Variants in PDXDC1 observed in about 807,000 individuals in gnomAD.
The protein encoded by PDXDC1 is pyridoxal-dependent decarboxylase domain-containing protein 1.
Under a neutral mutation model 100.1 loss-of-function variants are expected in PDXDC1, and 42 were observed. That is an observed-to-expected ratio of 0.42 (90% CI 0.33 to 0.54). The LOEUF is 0.54. Among genes scored for constraint, PDXDC1 ranks in the 20% least tolerant of loss-of-function variants. The pLI, the probability that PDXDC1 is intolerant of heterozygous loss-of-function variation, is 0.10. For missense variants in PDXDC1, 636 were observed against 979.2 expected (o/e 0.65, Z 4.68); for synonymous variants, 260 against 371.7 (o/e 0.70, Z 3.46).
At chr16:15,047,615 C>G (rs1207642547) in intron 16 of PDXDC1, 2 of 1,192,148 alleles carry the variant, frequency 1.7e-6, no homozygotes, top group African/African-American at 3.0e-5. Context: ...CAGGCCGAGA[C>G]TCCGCCTGTC....
At chr16:15,031,515 G>A (rs937493788) in intron 16 of PDXDC1, among the ~76,000 whole-genome samples, 5 of 152,200 alleles carry the variant, frequency 3.3e-5, no homozygotes, top group African/African-American at 1.2e-4. Flanking sequence ...GGCCACATCT[G>A]TGAGAGAAAC....
chr16:15,128,651 ACAC>A lies in PDXDC1; in HGVS notation c.1400-10224_1400-10222del, dbSNP rs555474141. Among the ~76,000 whole-genome samples, 1,256 of 152,068 alleles carry A rather than the reference ACAC, an allele frequency of 8.3e-3. 7 individuals are homozygous for A. Among genetic ancestry groups the A allele is most frequent in the South Asian group, 0.019 (93 of 4,814 alleles). ...AACATGGCTGCACACGCCTCAGTCC[ACAC>A]CACAACCAGTGACCCGCACTGCACA... is the stretch of plus-strand genomic sequence containing the variant. On this transcript the variant is annotated intron_variant, in intron 16 of 16. Transcript: ENST00000535621.
At chr16:15,149,990 G>A in the PDXDC1 span, among the ~76,000 whole-genome samples, 2 of 152,146 alleles carry the variant, frequency 1.3e-5, no homozygotes, top group African/African-American at 2.4e-5. Context: ...CAGGCTGCAG[G>A]AGCCAGTTTC....
chr16:15,060,972 CG>C (rs1451335941), intron 16 of PDXDC1: 2 of 152,232 alleles, frequency 1.3e-5, no homozygotes, highest in Non-Finnish European at 2.9e-5. Context: ...TACACAAGCC[CG>C]AACTCACTTT....
At chr16:15,001,260 G>C (rs1406379941) in intron 3 of PDXDC1, among the ~76,000 whole-genome samples, 8 of 152,258 alleles carry the variant, frequency 5.3e-5, no homozygotes, top group Non-Finnish European at 1.5e-5. Flanking sequence ...AGGCCGAGGA[G>C]GGTGGATCAC....
chr16:14,994,436 G>T (rs1567633145), intron 1 of PDXDC1, among the ~76,000 whole-genome samples: 2 of 152,294 alleles, frequency 1.3e-5, no homozygotes, highest in Admixed American at 6.5e-5. Context: ...GTTTGCCAAA[G>T]ATCAGATAGT....
intron 16 of PDXDC1, among the ~76,000 whole-genome samples, chr16:15,132,435 G>A (rs1174581497): frequency 7.6e-6 from 1 of 131,580 alleles, no homozygotes; most frequent in African/African-American, 2.9e-5. Flanking sequence ...GAGGGAAGGG[G>A]GAGGGGAGGG....
intron 16 of PDXDC1, among the ~76,000 whole-genome samples, chr16:15,066,937 T>C (rs1342831556): frequency 6.6e-6 from 1 of 151,962 alleles, no homozygotes; most frequent in Admixed American, 6.6e-5. Flanking sequence ...CTGGACCAGA[T>C]GGTTCACAAA....
chr16:15,074,766 C>T (rs752023489), intron 16 of PDXDC1: 57 of 1,613,982 alleles, frequency 3.5e-5, no homozygotes, highest in Non-Finnish European at 4.7e-5. Flanking sequence ...AAACCAAAGA[C>T]ATCAGGATGT....
intron 16 of PDXDC1, chr16:15,136,801 G>A (rs1479906431): frequency 8.0e-6 from 11 of 1,376,626 alleles, no homozygotes; most frequent in African/African-American, 1.4e-5. Flanking sequence ...GGCCCAAGAC[G>A]GGGGTACCAG....
At chr16:15,117,389 G>A (rs1403715900) in intron 16 of PDXDC1, among the ~76,000 whole-genome samples, 62 of 143,910 alleles carry the variant, frequency 4.3e-4, no homozygotes, top group Admixed American at 3.3e-3. Context: ...GGCCAGGCGC[G>A]GTGGCTCACG....
intron 22 of PDXDC1, 99 bp from the exon 23 acceptor site, chr16:15,035,917 C>A: frequency 7.9e-7 from 1 of 1,262,366 alleles, no homozygotes; most frequent in Non-Finnish European, 1.1e-6. Context: ...TCTGCTGAAG[C>A]TGTGTTGTGA....
intron 16 of PDXDC1, among the ~76,000 whole-genome samples, chr16:15,046,294 G>A (rs973410799): frequency 3.3e-5 from 5 of 152,262 alleles, no homozygotes; most frequent in South Asian, 2.1e-4. Context: ...TTAAGCCTTC[G>A]TATATGATGG....
rs369316344 is a variant in PDXDC1, at chr16:15,048,047, C to G, written c.1399+17991C>G. The G allele has an allele frequency of 8.7e-5, 141 of 1,613,450 alleles. 1 individual carries two copies. Among genetic ancestry groups the G allele is most frequent in the Non-Finnish European group, 1.2e-4 (136 of 1,179,522 alleles). On this transcript the variant is annotated intron_variant, in intron 16 of 16. Coordinates refer to the PDXDC1 transcript ENST00000535621. ...CTCTCTTTGCTGAACATACAGAAGG[C>G]CCTGGGGTCCCACTTGTTGAACAGA... is the stretch of plus-strand genomic sequence containing the variant.
downstream of PDXDC1, among the ~76,000 whole-genome samples, chr16:15,039,643 G>GT (rs1215004164): frequency 6.6e-6 from 1 of 152,140 alleles, no homozygotes; most frequent in Non-Finnish European, 1.5e-5. Flanking sequence ...TCTCTCCTGC[G>GT]TCCCAGTTCT....
chr16:15,140,460 A>G (rs1356183271), downstream of PDXDC1, among the ~76,000 whole-genome samples: 1 of 151,460 alleles, frequency 6.6e-6, no homozygotes. Context: ...AAAAAAAAAA[A>G]AAAAAAAGAA....
At chr16:15,009,402 G>C in intron 7 of PDXDC1, 1 of 551,238 alleles carries the variant, frequency 1.8e-6, no homozygotes, top group Non-Finnish European at 3.0e-6. Context: ...GGAGAGTTAA[G>C]AGAACATTTC....
At position 15,109,709 on chromosome 16, in the gene PDXDC1, G is replaced by C. The variant is rs1347323194; in HGVS notation, c.1400-29170G>C. 1.5e-4 allele frequency among the ~76,000 whole-genome samples: 17 copies of C among 112,946 alleles called. 2 individuals carry two copies. The South Asian group carries it at 4.0e-3, about 27-fold the overall frequency. The allele number at this position is 112,946 out of a possible 152,430, so 74.1% of individuals were successfully genotyped here. ...AAAAAAAAAAAAAAAAAAATTGGCC[G>C]AATGTGGCGGCACACACCTGTAATC... On this transcript the variant is annotated intron_variant, in intron 16 of 16. Transcript: ENST00000535621.
At chr16:15,088,736 C>T (rs923624642) in intron 16 of PDXDC1, among the ~76,000 whole-genome samples, 10 of 152,202 alleles carry the variant, frequency 6.6e-5, no homozygotes, top group Admixed American at 3.3e-4. Flanking sequence ...AACTGAAAAA[C>T]GTTCAGTATG....
Sources: allele counts gnomAD v4.1 joint callset (sites outside exome capture counted in the v4.1 genomes callset), GRCh38; gene constraint gnomAD v4.1.1; transcripts MANE v1.5; gene names NCBI Gene and HGNC (gene_info 2026-07-23, HGNC 2026-07-21).